The following GRIN2B variants were observed in gnomAD, a reference collection of about 807,000 sequenced individuals.
GRIN2B encodes the protein glutamate ionotropic receptor NMDA type subunit 2B.
In GRIN2B, 5 loss-of-function variants were observed where a neutral mutation model predicts 114.5. The ratio of observed to expected loss-of-function variants is 0.04; its 90% confidence interval spans 0.02 to 0.09. The LOEUF (loss-of-function observed/expected upper bound fraction) is 0.09, where lower values mean the gene tolerates loss of function less well. Among genes scored for constraint, GRIN2B ranks in the 10% least tolerant of loss-of-function variants. GRIN2B has a pLI of 1.00. For synonymous variants in GRIN2B, 787 were observed against 745.1 expected, an observed-to-expected ratio of 1.06 and a Z score of -0.92; for missense variants, 1,108 against 1,943.5, an observed-to-expected ratio of 0.57 and a Z score of 8.08.
intron 10 of GRIN2B, among the ~76,000 whole-genome samples, chr12:13,582,494 C>G (rs1301364997): frequency 6.6e-6 from 1 of 152,196 alleles, no homozygotes; most frequent in Admixed American, 6.5e-5. Flanking sequence ...ATTGTTTCTG[C>G]TTGTTTTCCT....
chr12:13,867,257 A>G (rs1865843269), intron 2 of GRIN2B, among the ~76,000 whole-genome samples: 1 of 152,064 alleles, frequency 6.6e-6, no homozygotes, highest in African/African-American at 2.4e-5. Flanking sequence ...GCCACCTTTT[A>G]CCTACAAAGA....
intron 2 of GRIN2B, among the ~76,000 whole-genome samples, chr12:13,869,100 A>C (rs553021079): frequency 6.6e-6 from 1 of 152,334 alleles, no homozygotes; most frequent in East Asian, 1.9e-4. Context: ...CTAAATACAC[A>C]TAAACTTTTA....
chr12:13,656,035 T>G (rs988980897), intron 5 of GRIN2B, among the ~76,000 whole-genome samples: 8 of 152,134 alleles, frequency 5.3e-5, no homozygotes, highest in African/African-American at 1.9e-4. Context: ...TACCTTTCCC[T>G]CTCCGTTCTC....
chr12:13,638,562 C>G (rs548971318), intron 5 of GRIN2B, among the ~76,000 whole-genome samples: 62 of 152,176 alleles, frequency 4.1e-4, no homozygotes, highest in Non-Finnish European at 6.2e-4. Context: ...TTCAGTTTTC[C>G]ATCTGGTACT....
At chr12:13,969,257 T>C (rs1867838408) in intron 2 of GRIN2B, among the ~76,000 whole-genome samples, 1 of 152,246 alleles carries the variant, frequency 6.6e-6, no homozygotes, top group Admixed American at 6.5e-5. Flanking sequence ...AAAATCACTT[T>C]AGCTGAAGTT....
intron 10 of GRIN2B, among the ~76,000 whole-genome samples, chr12:13,575,430 G>T (rs901126729): frequency 3.3e-5 from 5 of 152,154 alleles, no homozygotes; most frequent in African/African-American, 9.7e-5. Flanking sequence ...AAGCCAAAGT[G>T]GGTGGATTGC....
Position 13,551,973 on chromosome 12 carries a change from A to G in GRIN2B, c.*10810T>C, listed in dbSNP as rs1948419135. ...CAGGCATGTTTTGTTTCATTTCGAA[A>G]AAAAAACAATCCCCTCTGGAAACAG... On this transcript the variant is annotated 3_prime_UTR_variant, in exon 14 of 14. Transcript: ENST00000609686. The G allele has an allele frequency of 6.6e-6, 1 of 152,220 alleles. No individual in the cohort carries two copies. The highest frequency in any genetic ancestry group is 1.5e-5 in the Non-Finnish European group (1 of 68,026). 9.4% of individuals were successfully genotyped at this position (152,220 alleles called of 1,614,324 possible). A position where few individuals can be genotyped will look rare whatever the true frequency, so the allele number is the denominator to read the frequency against.
chr12:13,636,295 T>C (rs1341693947), intron 5 of GRIN2B, among the ~76,000 whole-genome samples: 1 of 152,098 alleles, frequency 6.6e-6, no homozygotes, highest in African/African-American at 2.4e-5. Context: ...TGGCAGAAAA[T>C]CAGTCTGGTG....
chr12:13,865,751 T>G (rs556614107), intron 3 of GRIN2B, 47 bp downstream of exon 3: 2 of 1,440,092 alleles, frequency 1.4e-6, no homozygotes, highest in African/African-American at 2.8e-5. Flanking sequence ...CATGGTTTAG[T>G]CCTCAGCACA....
At chr12:13,684,712 C>T (rs1386934067) in intron 4 of GRIN2B, among the ~76,000 whole-genome samples, 1 of 152,082 alleles carries the variant, frequency 6.6e-6, no homozygotes, top group East Asian at 1.9e-4. Flanking sequence ...AATAAAATTC[C>T]TTTCTTCTTC....
chr12:13,847,237 C>T (rs1865486656), intron 3 of GRIN2B, among the ~76,000 whole-genome samples: 2 of 152,078 alleles, frequency 1.3e-5, no homozygotes, highest in East Asian at 1.9e-4. Flanking sequence ...CCTGATATCC[C>T]TTATCAATAA....
At chr12:13,824,747 T>G (rs992268559) in intron 3 of GRIN2B, among the ~76,000 whole-genome samples, 4 of 150,780 alleles carry the variant, frequency 2.7e-5, no homozygotes, top group Non-Finnish European at 5.9e-5. Flanking sequence ...TCTCAGCTAC[T>G]TGGGAGGCTG....
intron 3 of GRIN2B, among the ~76,000 whole-genome samples, chr12:13,765,531 T>C (rs1863765612): frequency 6.6e-6 from 1 of 152,226 alleles, no homozygotes; most frequent in Non-Finnish European, 1.5e-5. Flanking sequence ...GATGTCAAGA[T>C]GGATGATGGT....
At chr12:13,817,207 C>T (rs1169159887) in intron 3 of GRIN2B, among the ~76,000 whole-genome samples, 1 of 152,130 alleles carries the variant, frequency 6.6e-6, no homozygotes, top group African/African-American at 2.4e-5. Context: ...CTTTAGCTAG[C>T]TTTGTAGCCC....
At chr12:13,643,592 T>G (rs1178120238) in intron 5 of GRIN2B, among the ~76,000 whole-genome samples, 1 of 152,096 alleles carries the variant, frequency 6.6e-6, no homozygotes, top group East Asian at 1.9e-4. Flanking sequence ...CCACAACAAT[T>G]GACTCTTCCT....
intron 10 of GRIN2B, among the ~76,000 whole-genome samples, chr12:13,587,213 G>A (rs1224264649): frequency 1.3e-5 from 2 of 152,064 alleles, no homozygotes; most frequent in Non-Finnish European, 2.9e-5. Context: ...ATACTCATCT[G>A]GTGGCCTGAA....
chr12:13,784,864 T>C (rs1443557293), intron 3 of GRIN2B, among the ~76,000 whole-genome samples: 2 of 152,216 alleles, frequency 1.3e-5, no homozygotes, highest in Non-Finnish European at 2.9e-5. Flanking sequence ...CAACCAAAGC[T>C]GACCACAGAT....
At chr12:13,603,981 C>A in intron 10 of GRIN2B, among the ~76,000 whole-genome samples, 1 of 152,214 alleles carries the variant, frequency 6.6e-6, no homozygotes, top group East Asian at 1.9e-4. Context: ...ACAGAGCATA[C>A]AAAATGTACC....
chr12:13,866,369 ATC>A, intron 2 of GRIN2B, 143 bp from the exon 3 acceptor site: 1 of 726,862 alleles, frequency 1.4e-6, no homozygotes, highest in Non-Finnish European at 2.4e-6. Flanking sequence ...CTACTCTCTT[ATC>A]TCTGGTATTT....
Sources: allele counts gnomAD v4.1 joint callset (sites outside exome capture counted in the v4.1 genomes callset), GRCh38; gene constraint gnomAD v4.1.1; transcripts MANE v1.5; gene names NCBI Gene and HGNC (gene_info 2026-07-23, HGNC 2026-07-21).